Variants in PDE8B observed in about 807,000 individuals in gnomAD.
The protein encoded by PDE8B is phosphodiesterase 8B, also known as high affinity cAMP-specific and IBMX-insensitive 3',5'-cyclic phosphodiesterase 8B.
In PDE8B, 26 loss-of-function variants were observed where a neutral mutation model predicts 101.3. The ratio of observed to expected loss-of-function variants is 0.26; its 90% CI spans 0.19 to 0.36. The LOEUF (loss-of-function observed/expected upper bound fraction) is 0.36. Ranked by LOEUF, PDE8B falls within the 10% of genes least tolerant of loss-of-function variation. PDE8B has a pLI of 1.00. For missense variants in PDE8B, 810 were observed against 1,163.1 expected (o/e 0.70, Z 4.42); for synonymous variants, 424 against 429.3 (o/e 0.99, Z 0.15).
At chr5:77,228,698 T>G (rs144473546) in intron 1 of PDE8B, among the ~76,000 whole-genome samples, 1 of 151,994 alleles carries the variant, frequency 6.6e-6, no homozygotes, top group Non-Finnish European at 1.5e-5. Flanking sequence ...ATGGAGAAAA[T>G]GAAAGATGAG....
At chr5:77,373,511 C>T (rs975818619) in intron 10 of PDE8B, among the ~76,000 whole-genome samples, 3 of 152,064 alleles carry the variant, frequency 2.0e-5, no homozygotes, top group African/African-American at 7.2e-5. Context: ...ACCCTCCTTG[C>T]CCTCCTTTAT....
At chr5:77,224,749 G>C (rs1751949162) in intron 1 of PDE8B, among the ~76,000 whole-genome samples, 1 of 152,050 alleles carries the variant, frequency 6.6e-6, no homozygotes, top group South Asian at 2.1e-4. Context: ...TGTTTCTTAA[G>C]GATCTTGTCA....
rs145733385 is a variant in PDE8B at position 77,354,579 on chromosome 5, T to C, written c.1167+1173T>C. Among the ~76,000 whole-genome samples the C allele has an allele frequency of 1.5e-3, 225 of 152,250 alleles. 1 individual carries two copies. Among genetic ancestry groups the C allele is most frequent in the African/African-American group, 5.2e-3 (217 of 41,530 alleles). On this transcript the variant is annotated intron_variant, in intron 10 of 21. Transcript: ENST00000264917. ...AAAGAGAGGGACAGGACACCTGGTG[T>C]CTCTTTCGAGACAAACTTCTGAACA...
chr5:77,138,366 G>T, the PDE8B span, among the ~76,000 whole-genome samples: 2 of 152,082 alleles, frequency 1.3e-5, no homozygotes, highest in African/African-American at 4.8e-5. Context: ...GTCCCTCAGG[G>T]TGGTTTTTCT....
chr5:77,157,497 T>A, the PDE8B span, among the ~76,000 whole-genome samples: 1 of 152,182 alleles, frequency 6.6e-6, no homozygotes. Flanking sequence ...AACATGAGGG[T>A]GGCTGTGAAG....
At chr5:77,237,445 C>T (rs1442238062) in intron 1 of PDE8B, among the ~76,000 whole-genome samples, 1 of 152,086 alleles carries the variant, frequency 6.6e-6, no homozygotes, top group African/African-American at 2.4e-5. Context: ...ATCACACACA[C>T]ACTTAACTTT....
chr5:77,379,260 A>G (rs916055047), intron 10 of PDE8B, among the ~76,000 whole-genome samples: 21 of 152,234 alleles, frequency 1.4e-4, no homozygotes, highest in South Asian at 6.2e-4. Flanking sequence ...TATATCTAAC[A>G]GCAGAAGAAG....
intron 10 of PDE8B, among the ~76,000 whole-genome samples, chr5:77,390,977 C>T (rs779828854): frequency 2.6e-5 from 4 of 152,212 alleles, no homozygotes; most frequent in Non-Finnish European, 5.9e-5. Flanking sequence ...AGATGTCATG[C>T]TGCCAGCATG....
chr5:77,353,273 T>C (rs1781481961), intron 9 of PDE8B, 73 bp from the exon 10 acceptor site: 2 of 871,354 alleles, frequency 2.3e-6, no homozygotes, highest in African/African-American at 1.6e-5. Context: ...AAGAAGTCTG[T>C]TGACATTTTT....
chr5:77,264,837 A>T (rs1032454181), intron 1 of PDE8B, among the ~76,000 whole-genome samples: 3 of 152,164 alleles, frequency 2.0e-5, no homozygotes, highest in African/African-American at 7.2e-5. Flanking sequence ...TCAATAGGTA[A>T]AATAACTACC....
chr5:77,331,050 A>T (rs1036729950), intron 4 of PDE8B, among the ~76,000 whole-genome samples: 6 of 152,140 alleles, frequency 3.9e-5, no homozygotes, highest in African/African-American at 1.4e-4. Flanking sequence ...GTTTGGGAAC[A>T]ATTGTCTCCG....
rs559166706 is a variant in PDE8B, at chr5:77,244,600, C to A, written c.339+33336C>A. Among the ~76,000 whole-genome samples, 9 of 152,202 alleles carry A rather than the reference C, an allele frequency of 5.9e-5. No individual in the cohort carries two copies. In the East Asian group the frequency reaches 1.5e-3, roughly 26 times the overall value. On this transcript the variant is annotated intron_variant, in intron 1 of 21. Coordinates refer to ENST00000264917, the MANE Select transcript of PDE8B (RefSeq NM_003719.5). ...TTGAAATAATAATAATAATAACCAA[C>A]CTGTATATAGTTCTCACTTTATACT...
At chr5:77,293,769 G>A (rs2149972703) in intron 1 of PDE8B, among the ~76,000 whole-genome samples, 1 of 152,336 alleles carries the variant, frequency 6.6e-6, no homozygotes, top group Non-Finnish European at 1.5e-5. Context: ...AACATTGTCA[G>A]TTTTTTAGAT....
intron 10 of PDE8B, among the ~76,000 whole-genome samples, chr5:77,383,882 A>G (rs1180719429): frequency 6.6e-6 from 1 of 152,146 alleles, no homozygotes; most frequent in African/African-American, 2.4e-5. Flanking sequence ...TGGTTACTGT[A>G]GCCTTGTAGT....
At chr5:77,329,682 A>C (rs1424520153) in intron 4 of PDE8B, among the ~76,000 whole-genome samples, 1 of 152,214 alleles carries the variant, frequency 6.6e-6, no homozygotes, top group African/African-American at 2.4e-5. Context: ...GCAGGAAGAA[A>C]AGTTGTCTGT....
chr5:77,408,725 G>T (rs552815038), intron 13 of PDE8B, among the ~76,000 whole-genome samples, 168 bp from the exon 14 acceptor site: 2 of 152,158 alleles, frequency 1.3e-5, no homozygotes, highest in African/African-American at 2.4e-5. Flanking sequence ...CCAGGAGCCC[G>T]CAGGGAGAAA....
chr5:77,196,719 A>G, the PDE8B span, among the ~76,000 whole-genome samples: 1 of 152,124 alleles, frequency 6.6e-6, no homozygotes, highest in Admixed American at 6.5e-5. Flanking sequence ...TGAGCTGTGA[A>G]GGGCTTCCTA....
At chr5:77,312,614 C>T (rs1772918298) in intron 2 of PDE8B, among the ~76,000 whole-genome samples, 1 of 152,228 alleles carries the variant, frequency 6.6e-6, no homozygotes, top group African/African-American at 2.4e-5. Context: ...GGAATCTTGG[C>T]TCTGCCTTTA....
Position 77,426,817 on chromosome 5 carries a change from C to T in PDE8B, c.*263C>T, listed in dbSNP as rs958624888. On this transcript the variant is annotated 3_prime_UTR_variant, in exon 22 of 22. Transcript: ENST00000264917. ...TTTGCTCTGCTGTCATCCTGTGTAC[C>T]CTTGTCAATCCATGGAGCTGGTTCA... 4.5e-5 allele frequency: 19 copies of T among 418,298 alleles called. No homozygotes were observed. The highest frequency in any genetic ancestry group is 3.9e-4 in the African/African-American group (19 of 49,012). The allele number at this position is 418,298 out of a possible 1,614,324, so 25.9% of individuals were successfully genotyped here. A position where few individuals can be genotyped will look rare whatever the true frequency, so the allele number is the denominator to read the frequency against.
Sources: gnomAD v4.1 joint callset for allele counts (sites outside exome capture counted in the v4.1 genomes callset) on GRCh38, gnomAD v4.1.1 for gene constraint, MANE v1.5 for transcripts, NCBI Gene and HGNC (gene_info 2026-07-23, HGNC 2026-07-21) for gene names.